The following TBCK variants were observed in gnomAD, a reference collection of about 807,000 sequenced individuals.
TBCK encodes TBC domain-containing protein kinase-like protein.
In TBCK, 99 loss-of-function variants were observed where a neutral mutation model predicts 113.4. The observed-to-expected ratio is 0.87, with a 90% CI of 0.74 to 1.03. TBCK has a LOEUF of 1.03. Ranked by LOEUF, TBCK falls within the 50% of genes least tolerant of loss-of-function variation. The pLI, the probability that TBCK is intolerant of heterozygous loss-of-function variation, is 0.00. For synonymous variants in TBCK, 369 were observed against 370.8 expected (o/e 1.00, Z 0.05); for missense variants, 1,045 against 1,061.3 (o/e 0.98, Z 0.21).
At chr4:106,308,226 G>C (rs1767747300) in intron 2 of TBCK, among the ~76,000 whole-genome samples, 1 of 152,122 alleles carries the variant, frequency 6.6e-6, no homozygotes, top group South Asian at 2.1e-4. Flanking sequence ...AACACTTATT[G>C]AGTGCTCTGA....
At chr4:106,168,691 C>A (rs1044869429) in intron 23 of TBCK, among the ~76,000 whole-genome samples, 2 of 151,798 alleles carry the variant, frequency 1.3e-5, no homozygotes, top group African/African-American at 4.8e-5. Context: ...TGTATACCTG[C>A]AATGTACAAA....
rs1283996045 is a variant in TBCK, at chr4:106,248,432, T to C, written c.721-126A>G. 3 of 658,694 alleles carry C rather than the reference T, an allele frequency of 4.6e-6. No individual in the cohort carries two copies. The East Asian group carries it at 9.4e-5, about 21-fold the overall frequency. The allele number at this position is 658,694 out of a possible 1,614,324, so 40.8% of individuals were successfully genotyped here. On this transcript the variant is annotated intron_variant, in intron 8 of 25. Coordinates refer to ENST00000394708, the MANE Select transcript of TBCK (RefSeq NM_001163435.3). ...GTTTTTATTTGTACTTTATACAAAT[T>C]TAGTCACTGTGAAAAAGCAAATACT...
rs1200730531 is a variant in TBCK at position 106,052,907 on chromosome 4, C to T, written c.2572-6227G>A. ...ACCTTTGTACTGTTTTGATGCAAAC[C>T]CAGATATTTTATCATTTCATACATA... On this transcript the variant is annotated intron_variant, in intron 25 of 25. Transcript: ENST00000394708. Among the ~76,000 whole-genome samples, 3 of 151,492 alleles carry T rather than the reference C, an allele frequency of 2.0e-5. No individual in the cohort carries two copies. The Admixed American group carries it at 2.0e-4, about 10-fold the overall frequency.
intron 25 of TBCK, among the ~76,000 whole-genome samples, chr4:106,052,752 A>T (rs1366778504): frequency 4.0e-5 from 6 of 151,510 alleles, no homozygotes; most frequent in African/African-American, 4.8e-5. Context: ...TTTTTATTTT[A>T]AAAAAAGTCA....
intron 3 of TBCK, among the ~76,000 whole-genome samples, chr4:106,271,557 G>C (rs1340765256): frequency 6.6e-6 from 1 of 151,860 alleles, no homozygotes; most frequent in African/African-American, 2.4e-5. Flanking sequence ...TTCCAGACCA[G>C]ACTAACCAAC....
chr4:106,082,387 G>A (rs1414691813), intron 25 of TBCK, among the ~76,000 whole-genome samples: 1 of 152,078 alleles, frequency 6.6e-6, no homozygotes, highest in Non-Finnish European at 1.5e-5. Flanking sequence ...GCTAAACAAT[G>A]GGTACTCATG....
intron 2 of TBCK, 25 bp from the exon 3 acceptor site, chr4:106,295,191 G>A (rs550689189): frequency 6.2e-7 from 1 of 1,604,724 alleles, no homozygotes; most frequent in South Asian, 1.1e-5. Flanking sequence ...GCAAACCCAT[G>A]TTATATTTTA....
chr4:106,161,792 C>T (rs1303516169), intron 23 of TBCK, among the ~76,000 whole-genome samples: 1 of 151,748 alleles, frequency 6.6e-6, no homozygotes, highest in African/African-American at 2.4e-5. Context: ...GAAGTTTGGG[C>T]TGGAGCTAAT....
chr4:106,263,084 C>T (rs1762647717), intron 3 of TBCK, among the ~76,000 whole-genome samples: 1 of 151,782 alleles, frequency 6.6e-6, no homozygotes, highest in Non-Finnish European at 1.5e-5. Context: ...TACAATTAAC[C>T]TAGCTTTATT....
At chr4:106,122,049 A>C (rs1359523470) in intron 23 of TBCK, among the ~76,000 whole-genome samples, 3 of 152,230 alleles carry the variant, frequency 2.0e-5, no homozygotes, top group African/African-American at 7.2e-5. Flanking sequence ...GGAAATAGAG[A>C]CAGAAAAAAC....
At chr4:106,077,192 G>A (rs1400571478) in intron 25 of TBCK, among the ~76,000 whole-genome samples, 1 of 152,116 alleles carries the variant, frequency 6.6e-6, no homozygotes, top group Non-Finnish European at 1.5e-5. Flanking sequence ...GGAAATGAAA[G>A]AGCAATATTT....
At chr4:106,222,895 AAAGAG>A (rs1311430275) in intron 19 of TBCK, among the ~76,000 whole-genome samples, 6 of 152,150 alleles carry the variant, frequency 3.9e-5, no homozygotes, top group Admixed American at 1.3e-4. Flanking sequence ...AAGAGAAAGG[AAAGAG>A]AAAAGTAATC....
intron 23 of TBCK, among the ~76,000 whole-genome samples, chr4:106,120,233 C>A (rs1365782720): frequency 1.3e-5 from 2 of 152,186 alleles, no homozygotes; most frequent in Admixed American, 6.5e-5. Flanking sequence ...GGGTCACTCC[C>A]ACCCGAATAT....
intron 23 of TBCK, among the ~76,000 whole-genome samples, chr4:106,137,637 A>G (rs1746709411): frequency 7.1e-6 from 1 of 141,374 alleles, no homozygotes; most frequent in South Asian, 2.4e-4. Flanking sequence ...CATAAAATTT[A>G]GAAATACAGC....
intron 23 of TBCK, among the ~76,000 whole-genome samples, chr4:106,136,486 T>C (rs1247693555): frequency 1.4e-5 from 2 of 141,344 alleles, no homozygotes; most frequent in Non-Finnish European, 3.2e-5. Context: ...GTTTGCCGTA[T>C]AAATAACTGG....
chr4:106,168,626 T>C (rs1467995292), intron 23 of TBCK, among the ~76,000 whole-genome samples: 1 of 150,046 alleles, frequency 6.7e-6, no homozygotes, highest in Non-Finnish European at 1.5e-5. Flanking sequence ...AGCTAATAAG[T>C]AACTACAGCA....
chr4:106,260,511 C>T lies in TBCK; in HGVS notation c.382-1G>A. Reference sequence around the variant, plus strand: ...CAAATTTAGCCAATTTAATATGTCCCTATGATAATAAAGAAAAAAAACACT... The same window carrying T: ...CAAATTTAGCCAATTTAATATGTCCTTATGATAATAAAGAAAAAAAACACT... On this transcript the variant is annotated splice_acceptor_variant, in intron 4 of 25. Coordinates refer to ENST00000394708, the MANE Select transcript of TBCK (RefSeq NM_001163435.3). LOFTEE classifies it high-confidence loss of function. 1 of 1,158,984 alleles carries T rather than the reference C, an allele frequency of 8.6e-7. No individual in the cohort carries two copies. Among genetic ancestry groups the T allele is most frequent in the Non-Finnish European group, 1.2e-6 (1 of 863,978 alleles). The allele number at this position is 1,158,984 out of a possible 1,614,324, so 71.8% of individuals were successfully genotyped here.
At chr4:106,135,379 T>C (rs540601578) in intron 23 of TBCK, among the ~76,000 whole-genome samples, 91 of 152,156 alleles carry the variant, frequency 6.0e-4, no homozygotes, top group African/African-American at 1.9e-3. Context: ...CCAAAGGCAA[T>C]ATAACAGTAA....
intron 19 of TBCK, among the ~76,000 whole-genome samples, chr4:106,224,357 G>C (rs1323293446): frequency 6.6e-6 from 1 of 150,956 alleles, no homozygotes; most frequent in Non-Finnish European, 1.5e-5. Context: ...ATTGAACATA[G>C]AAACTTTTAA....
Sources: gnomAD v4.1 joint callset for allele counts (sites outside exome capture counted in the v4.1 genomes callset) on GRCh38, gnomAD v4.1.1 for gene constraint, MANE v1.5 for transcripts, NCBI Gene and HGNC (gene_info 2026-07-23, HGNC 2026-07-21) for gene names.